HMGN3: variants seen among roughly 807,000 people sequenced by gnomAD.
The protein encoded by HMGN3 is high mobility group nucleosome-binding domain-containing protein 3.
HMGN3 carries 6 observed loss-of-function variants against 18.8 expected under a neutral mutation model. The ratio of observed to expected loss-of-function variants is 0.32; its 90% CI spans 0.18 to 0.63. HMGN3 has a LOEUF of 0.63. Among genes scored for constraint, HMGN3 ranks in the 30% least tolerant of loss-of-function variants. HMGN3 has a pLI of 0.79. For missense variants in HMGN3, 107 were observed against 114.2 expected (o/e 0.94, Z 0.29); for synonymous variants, 40 against 36.5 (o/e 1.10, Z -0.35).
chr6:79,204,893 C>A (rs1026535977), intron 3 of HMGN3, among the ~76,000 whole-genome samples: 6 of 152,162 alleles, frequency 3.9e-5, no homozygotes, highest in Admixed American at 2.0e-4. Flanking sequence ...GAATTTAAAA[C>A]ATTTTGTCAT....
intron 1 of HMGN3, among the ~76,000 whole-genome samples, chr6:79,220,657 G>T (rs1429336078): frequency 6.6e-6 from 1 of 152,132 alleles, no homozygotes; most frequent in Non-Finnish European, 1.5e-5. Context: ...ATGTTGGTCA[G>T]GCTGGTCTCA....
intron 3 of HMGN3, among the ~76,000 whole-genome samples, chr6:79,206,489 T>C (rs1377785204): frequency 2.6e-5 from 4 of 152,162 alleles, no homozygotes; most frequent in Non-Finnish European, 5.9e-5. Flanking sequence ...TTCCATGTGG[T>C]GTTGAGCCTG....
At chr6:79,208,691 T>C in intron 2 of HMGN3, 115 bp from the exon 3 acceptor site, 4 of 835,728 alleles carry the variant, frequency 4.8e-6, no homozygotes, top group South Asian at 1.4e-5. Flanking sequence ...TAATGTATGA[T>C]TCCCATCACC....
intron 2 of HMGN3, among the ~76,000 whole-genome samples, chr6:79,213,455 C>T (rs1237102589): frequency 1.4e-5 from 2 of 145,044 alleles, no homozygotes; most frequent in South Asian, 2.4e-4. Flanking sequence ...AAGGAAAAAC[C>T]CAAATGCTTT....
chr6:79,219,534 T>C (rs1777163643), intron 1 of HMGN3, among the ~76,000 whole-genome samples: 1 of 152,120 alleles, frequency 6.6e-6, no homozygotes, highest in African/African-American at 2.4e-5. Context: ...TACTAATAAA[T>C]TTAATTAACC....
chr6:79,202,313 G>C lies in HMGN3; in HGVS notation c.224C>G (p.Thr75Ser). 3 of 1,614,036 alleles carry C rather than the reference G, an allele frequency of 1.9e-6. No individual in the cohort carries two copies. The highest frequency in any genetic ancestry group is 1.7e-6 in the Non-Finnish European group (2 of 1,179,940). Residue 75 changes from threonine (T) to serine (S), a missense_variant, in exon 5 of 6, where the codon ACT becomes AGT. Physicochemically the swap from Thr to Ser is moderately conservative, Grantham distance 58. Transcript: ENST00000344726. ...AGTTTCACCATTTTCAGATGGTGCAGTACCTTCCTTTCCAGCTTCCTGCTT... is the reference window on the plus strand; with the variant it reads ...AGTTTCACCATTTTCAGATGGTGCACTACCTTCCTTTCCAGCTTCCTGCTT...
At chr6:79,217,307 C>A (rs1260305443) in intron 1 of HMGN3, among the ~76,000 whole-genome samples, 1 of 152,166 alleles carries the variant, frequency 6.6e-6, no homozygotes, top group Non-Finnish European at 1.5e-5. Context: ...GGTATGAATG[C>A]AGGATGTGAG....
chr6:79,212,794 T>C (rs1006815627), intron 2 of HMGN3, among the ~76,000 whole-genome samples: 2 of 152,172 alleles, frequency 1.3e-5, no homozygotes, highest in Non-Finnish European at 1.5e-5. Context: ...GCATACTCAA[T>C]GACATAACTG....
chr6:79,221,223 C>T (rs1777266007), intron 1 of HMGN3, among the ~76,000 whole-genome samples: 1 of 152,146 alleles, frequency 6.6e-6, no homozygotes, highest in African/African-American at 2.4e-5. Context: ...TATATTGCCT[C>T]CTCTTCTGTA....
rs58861121 is a variant in HMGN3, at chr6:79,211,465, GTTT to G, written c.67-2892_67-2890del. On this transcript the variant is annotated intron_variant, in intron 2 of 5. Transcript: ENST00000344726. ...AAAAAAGCTATTAAGAATTTCTCTT[GTTT>G]TTTTTTTTTTTTTTTTAATTGTGAA... Among the ~76,000 whole-genome samples, 607 of 135,320 alleles carry G rather than the reference GTTT, an allele frequency of 4.5e-3. 4 individuals are homozygous for G. The highest frequency in any genetic ancestry group is 0.034 in the Middle Eastern group (9 of 262). 88.8% of individuals were successfully genotyped at this position (135,320 alleles called of 152,430 possible).
intron 1 of HMGN3, among the ~76,000 whole-genome samples, chr6:79,230,935 C>CTTA (rs1402557256): frequency 1.3e-5 from 2 of 152,138 alleles, no homozygotes; most frequent in Admixed American, 1.3e-4. Flanking sequence ...ATCCCCTGTG[C>CTTA]TAATAAGCCC....
chr6:79,211,896 A>C (rs1429622014), intron 2 of HMGN3, among the ~76,000 whole-genome samples: 1 of 152,190 alleles, frequency 6.6e-6, no homozygotes, highest in Non-Finnish European at 1.5e-5. Context: ...ATTCAATAGA[A>C]TCACTGCACT....
At chr6:79,223,638 G>C (rs1349106952) in intron 1 of HMGN3, among the ~76,000 whole-genome samples, 1 of 152,144 alleles carries the variant, frequency 6.6e-6, no homozygotes, top group Admixed American at 6.5e-5. Context: ...CCTGGGAGGT[G>C]GAGGCTGCAC....
At chr6:79,201,648 C>G (rs1343408500) in exon 6 of HMGN3, 1 of 1,343,586 alleles carries the variant, frequency 7.4e-7, no homozygotes, top group Non-Finnish European at 1.1e-6. Flanking sequence ...AAAGTTGTCC[C>G]AAGAGATACA....
intron 3 of HMGN3, among the ~76,000 whole-genome samples, chr6:79,207,256 G>T (rs1776466024): frequency 6.6e-6 from 1 of 152,120 alleles, no homozygotes; most frequent in South Asian, 2.1e-4. Flanking sequence ...GTTTGGCTAT[G>T]TCCCCACCCA....
chr6:79,206,988 T>C (rs536727567), intron 3 of HMGN3, among the ~76,000 whole-genome samples: 5 of 152,218 alleles, frequency 3.3e-5, no homozygotes, highest in East Asian at 1.9e-4. Flanking sequence ...GTAGCCCCTA[T>C]GTTTTGGCCA....
intron 1 of HMGN3, 80 bp downstream of exon 1, chr6:79,234,466 C>G: frequency 1.4e-6 from 2 of 1,407,618 alleles, no homozygotes; most frequent in Non-Finnish European, 2.0e-6. Flanking sequence ...CGCGCGCGTT[C>G]TGCGCGAGCC....
At chr6:79,217,276 C>T (rs370412864) in intron 1 of HMGN3, among the ~76,000 whole-genome samples, 4 of 152,110 alleles carry the variant, frequency 2.6e-5, no homozygotes, top group Non-Finnish European at 4.4e-5. Flanking sequence ...CAATCTTTAC[C>T]GGGGATCAGT....
At chr6:79,233,994 A>C (rs1274790282) in intron 1 of HMGN3, 1 of 152,900 alleles carries the variant, frequency 6.5e-6, no homozygotes, top group Admixed American at 6.5e-5. Context: ...GTTGGTACAT[A>C]CGGGTCTGCA....
Sources: gnomAD v4.1 joint callset for allele counts (sites outside exome capture counted in the v4.1 genomes callset) on GRCh38, gnomAD v4.1.1 for gene constraint, MANE v1.5 for transcripts, NCBI Gene and HGNC (gene_info 2026-07-23, HGNC 2026-07-21) for gene names.